OPHN1: variants seen among roughly 807,000 people sequenced by gnomAD.
The protein encoded by OPHN1 is oligophrenin 1.
Under a neutral mutation model 60.7 loss-of-function variants are expected in OPHN1, and 11 were observed. That is an observed-to-expected ratio of 0.18 (90% CI 0.11 to 0.30). The LOEUF is 0.30. Among genes scored for constraint, OPHN1 ranks in the 10% least tolerant of loss-of-function variants. OPHN1 has a pLI of 1.00. For synonymous variants in OPHN1, 226 were observed against 222.6 expected (o/e 1.02, Z -0.14); for missense variants, 449 against 611.0 (o/e 0.73, Z 2.80).
chrX:68,422,263 T>C (rs2078829646), intron 2 of OPHN1, among the ~76,000 whole-genome samples: 1 of 110,585 alleles, frequency 9.0e-6, no homozygotes, highest in Non-Finnish European at 1.9e-5. Context: ...AGAAAGAGCC[T>C]TGGACCCAGC....
At chrX:68,177,290 T>C (rs185570343) in intron 15 of OPHN1, among the ~76,000 whole-genome samples, 36 of 110,879 alleles carry the variant, frequency 3.2e-4, no homozygotes, top group Non-Finnish European at 3.2e-4. Context: ...TGCATATTTG[T>C]TGCAAAATAA....
intron 15 of OPHN1, among the ~76,000 whole-genome samples, chrX:68,170,451 T>G (rs1169375309): frequency 9.2e-6 from 1 of 109,107 alleles, no homozygotes; most frequent in Non-Finnish European, 1.9e-5. Flanking sequence ...CAAAGGACTG[T>G]AAATTATGCT....
intron 15 of OPHN1, among the ~76,000 whole-genome samples, chrX:68,132,023 A>G (rs2077196879): frequency 8.9e-6 from 1 of 112,747 alleles, no homozygotes; most frequent in African/African-American, 3.2e-5. Flanking sequence ...CATGATCATG[A>G]AAACACTACA....
At chrX:68,229,848 C>T (rs2077718396) in intron 6 of OPHN1, among the ~76,000 whole-genome samples, 1 of 111,822 alleles carries the variant, frequency 8.9e-6, no homozygotes, top group African/African-American at 3.3e-5. Context: ...AGGACATAGG[C>T]ATGGGCAAGG....
chrX:68,203,332 C>T (rs1169957203), intron 10 of OPHN1, among the ~76,000 whole-genome samples: 1 of 111,480 alleles, frequency 9.0e-6, no homozygotes, highest in Non-Finnish European at 1.9e-5. Context: ...ATAACAAAAC[C>T]CACTGTGGTA....
intron 2 of OPHN1, among the ~76,000 whole-genome samples, chrX:68,350,217 T>C (rs908298262): frequency 7.2e-5 from 8 of 111,469 alleles, no homozygotes; most frequent in African/African-American, 2.6e-4. Flanking sequence ...ATATGTACTT[T>C]GAAAATATGT....
At position 68,073,253 on chromosome X, in the gene OPHN1, G is replaced by A. The variant is rs1221737481; in HGVS notation, c.1733C>T (p.Pro578Leu). 1.3e-5 allele frequency: 16 copies of A among 1,211,280 alleles called. No homozygotes were observed. Among genetic ancestry groups the A allele is most frequent in the South Asian group, 5.3e-5 (3 of 56,951 alleles). Residue 578 changes from proline (P) to leucine (L), a missense_variant, in exon 20 of 25, where the codon CCG (proline) becomes CTG (leucine). Pro to Leu is a moderately conservative substitution (Grantham distance 98). This residue lies in a region of OPHN1 where 166 missense variants were observed against 278.4 expected (regional missense o/e 0.60). Coordinates refer to ENST00000355520, the MANE Select transcript of OPHN1 (RefSeq NM_002547.3). ...PEESAAPPVPPPRVTARRHKP... is the reference protein window; with the variant it reads ...PEESAAPPVPLPRVTARRHKP... ...GTGCCTTCTTGCTGTCACCCGAGGC[G>A]GAGGCACTGGCGGTGCAGCGCTTTC... is the stretch of plus-strand genomic sequence containing the variant.
At chrX:68,235,902 AT>A (rs1168501618) in intron 5 of OPHN1, among the ~76,000 whole-genome samples, 1 of 107,116 alleles carries the variant, frequency 9.3e-6, no homozygotes, top group African/African-American at 3.4e-5. Context: ...GCTTTTTACT[AT>A]TTTTTTTTAA....
At chrX:68,060,004 G>T in intron 21 of OPHN1, among the ~76,000 whole-genome samples, 1 of 111,456 alleles carries the variant, frequency 9.0e-6, no homozygotes. Flanking sequence ...TTTCATTTTT[G>T]TCTCTCCCTT....
chrX:68,082,262 T>G (rs1416371548), intron 19 of OPHN1, among the ~76,000 whole-genome samples: 3 of 112,318 alleles, frequency 2.7e-5, no homozygotes, highest in African/African-American at 6.5e-5. Context: ...GTTATTTTGT[T>G]GATATTTTGA....
intron 2 of OPHN1, among the ~76,000 whole-genome samples, chrX:68,427,191 C>A (rs2078864253): frequency 9.2e-6 from 1 of 108,401 alleles, no homozygotes; most frequent in Non-Finnish European, 1.9e-5. Context: ...ATCACTTGAA[C>A]CCCGGAGGCG....
chrX:68,344,974 G>C (rs139837394), intron 2 of OPHN1, among the ~76,000 whole-genome samples: 6 of 111,658 alleles, frequency 5.4e-5, no homozygotes, highest in African/African-American at 2.0e-4. Context: ...TAGGGACCCA[G>C]ATAGACAACA....
chrX:68,185,480 G>A (rs1380694618), intron 15 of OPHN1, among the ~76,000 whole-genome samples: 1 of 111,697 alleles, frequency 9.0e-6, no homozygotes, highest in Non-Finnish European at 1.9e-5. Flanking sequence ...TTTTGTAAAT[G>A]CAGTTTTCCC....
chrX:68,151,099 A>G (rs2077283597), intron 15 of OPHN1, among the ~76,000 whole-genome samples: 1 of 111,666 alleles, frequency 9.0e-6, no homozygotes, highest in Non-Finnish European at 1.9e-5. Context: ...ACAGTGTAAC[A>G]GTGGCTTCAG....
chrX:68,199,752 CA>C (rs2077526889), intron 11 of OPHN1, among the ~76,000 whole-genome samples: 1 of 112,279 alleles, frequency 8.9e-6, no homozygotes, highest in Admixed American at 9.4e-5. Context: ...TTATAATAGA[CA>C]ATATAAAAAA....
intron 5 of OPHN1, among the ~76,000 whole-genome samples, chrX:68,254,247 G>A (rs771016649): frequency 5.4e-4 from 60 of 111,435 alleles, no homozygotes; most frequent in Admixed American, 2.4e-3. Context: ...CTAGCTTCCC[G>A]TAGGACCTAG....
chrX:68,249,834 T>A (rs1342533710), intron 5 of OPHN1, among the ~76,000 whole-genome samples: 2 of 111,844 alleles, frequency 1.8e-5, no homozygotes, highest in African/African-American at 3.2e-5. Flanking sequence ...ACATGGTACT[T>A]TGGCATGTAA....
At position 68,044,910 on chromosome X, in the gene OPHN1, T is replaced by A. The variant is rs767157077; in HGVS notation, c.*2262A>T. ...CACAGCAGCTTTCTAGGGCTCTCAA[T>A]AATCTTCCAATGTTTGCATCGGTGA... On this transcript the variant is annotated 3_prime_UTR_variant, in exon 25 of 25. Transcript: ENST00000355520. The A allele has an allele frequency of 5.3e-4, 59 of 112,170 alleles. No individual in the cohort carries two copies. Among genetic ancestry groups the A allele is most frequent in the African/African-American group, 1.7e-3 (54 of 30,873 alleles). The allele number at this position is 112,170 out of a possible 1,213,427, so 9.2% of individuals were successfully genotyped here.
rs146888718 is a variant in OPHN1, at chrX:68,410,976, T to C, written c.154+21891A>G. On this transcript the variant is annotated intron_variant, in intron 2 of 24. Transcript: ENST00000355520. ...TGAAATTCTGACACATGTTACAAGA[T>C]GGATGTATCAGGGCTAAGGGAAAAC... 4.0e-4 allele frequency among the ~76,000 whole-genome samples: 45 copies of C among 112,051 alleles called. No individual in the cohort carries two copies. In the East Asian group the frequency reaches 0.012, roughly 29 times the overall value.
Sources: gnomAD v4.1 joint callset for allele counts (sites outside exome capture counted in the v4.1 genomes callset) on GRCh38, gnomAD v4.1.1 for gene constraint, gnomAD v4.1.1 regional missense constraint, MANE v1.5 for transcripts, NCBI Gene and HGNC (gene_info 2026-07-23, HGNC 2026-07-21) for gene names.